The following RANBP3 variants were observed in gnomAD, a reference collection of about 807,000 sequenced individuals.
RANBP3 encodes RAN binding protein 3, also known as ran-binding protein 3.
Under a neutral mutation model 77.3 loss-of-function variants are expected in RANBP3, and 14 were observed. The observed-to-expected ratio is 0.18, with a 90% CI of 0.12 to 0.28. RANBP3 has a LOEUF of 0.28. Ranked by LOEUF, RANBP3 falls within the 10% of genes least tolerant of loss-of-function variation. The probability of loss-of-function intolerance (pLI) is 1.00; values close to 1 mark genes in which losing one functional copy is unlikely to be tolerated. For synonymous variants in RANBP3, 315 were observed against 312.4 expected, an observed-to-expected ratio of 1.01 and a Z score of -0.09; for missense variants, 586 against 752.3, an observed-to-expected ratio of 0.78 and a Z score of 2.59.
At chr19:5,927,621 C>T (rs2057929886) in intron 9 of RANBP3, among the ~76,000 whole-genome samples, 1 of 152,220 alleles carries the variant, frequency 6.6e-6, no homozygotes, top group South Asian at 2.1e-4. Context: ...AACCTCTGGG[C>T]AGAGCTGAGA....
At chr19:5,922,711 G>A (rs1305940460) in intron 13 of RANBP3, among the ~76,000 whole-genome samples, 2 of 152,166 alleles carry the variant, frequency 1.3e-5, no homozygotes, top group East Asian at 1.9e-4. Flanking sequence ...AGGCCGAGGC[G>A]GGTGGATCAC....
At chr19:5,951,292 C>A in intron 3 of RANBP3, 101 bp downstream of exon 3, 1 of 1,105,142 alleles carries the variant, frequency 9.0e-7, no homozygotes, top group South Asian at 1.3e-5. Flanking sequence ...TAGCTGCTTA[C>A]AATTAGCTAG....
At chr19:5,948,902 A>C (rs2058241280) in intron 3 of RANBP3, among the ~76,000 whole-genome samples, 1 of 152,158 alleles carries the variant, frequency 6.6e-6, no homozygotes, top group Admixed American at 6.5e-5. Context: ...TCTCCACATC[A>C]AACAGAGAAC....
intron 10 of RANBP3, chr19:5,925,221 C>T: frequency 2.1e-6 from 1 of 487,202 alleles, no homozygotes; most frequent in South Asian, 2.1e-5. Context: ...CCGTGGGTAG[C>T]ATTACCCCCA....
intron 5 of RANBP3, among the ~76,000 whole-genome samples, chr19:5,937,233 A>G (rs2058079141): frequency 6.6e-6 from 1 of 152,072 alleles, no homozygotes; most frequent in Admixed American, 6.6e-5. Context: ...ACAAAGGGGA[A>G]AGTAGCTTTA....
At chr19:5,953,477 A>G (rs1222300822) in intron 2 of RANBP3, among the ~76,000 whole-genome samples, 1 of 152,224 alleles carries the variant, frequency 6.6e-6, no homozygotes, top group Non-Finnish European at 1.5e-5. Flanking sequence ...TTTCAGTGAT[A>G]CTGTACTTTC....
chr19:5,956,698 A>G (rs1345653488), intron 2 of RANBP3, among the ~76,000 whole-genome samples: 1 of 152,142 alleles, frequency 6.6e-6, no homozygotes, highest in African/African-American at 2.4e-5. Flanking sequence ...CGATCCCCAC[A>G]GAGCACTTCA....
intron 2 of RANBP3, among the ~76,000 whole-genome samples, chr19:5,955,517 A>G (rs1228567234): frequency 6.6e-6 from 1 of 152,256 alleles, no homozygotes; most frequent in Admixed American, 6.5e-5. Context: ...CCTGCAAATC[A>G]CAAAGCAACA....
chr19:5,947,470 A>G (rs2058221142), intron 3 of RANBP3, among the ~76,000 whole-genome samples: 1 of 151,858 alleles, frequency 6.6e-6, no homozygotes, highest in African/African-American at 2.4e-5. Flanking sequence ...CCCAAACTAG[A>G]CTCTACTGCT....
chr19:5,971,512 T>C (rs889959020), intron 1 of RANBP3, among the ~76,000 whole-genome samples: 1 of 152,122 alleles, frequency 6.6e-6, no homozygotes, highest in African/African-American at 2.4e-5. Flanking sequence ...ATATCACACA[T>C]CCAATAACCT....
intron 2 of RANBP3, among the ~76,000 whole-genome samples, chr19:5,953,669 A>G (rs538990954): frequency 6.6e-6 from 1 of 152,342 alleles, no homozygotes; most frequent in South Asian, 2.1e-4. Flanking sequence ...TTCTCTTCAC[A>G]TTAAAAAGAA....
intron 1 of RANBP3, among the ~76,000 whole-genome samples, chr19:5,974,087 C>T (rs1427358088): frequency 6.6e-6 from 1 of 152,110 alleles, no homozygotes; most frequent in African/African-American, 2.4e-5. Context: ...ATGACGACCC[C>T]GCGAGTGAGG....
chr19:5,962,710 A>G (rs1170095392), intron 1 of RANBP3: 7 of 455,910 alleles, frequency 1.5e-5, no homozygotes, highest in African/African-American at 1.4e-4. Flanking sequence ...TCACATCTGC[A>G]CCCAAAACAC....
intron 3 of RANBP3, among the ~76,000 whole-genome samples, chr19:5,949,659 G>A (rs1045720928): frequency 2.6e-5 from 4 of 152,196 alleles, no homozygotes; most frequent in Non-Finnish European, 4.4e-5. Flanking sequence ...CTGCCATACA[G>A]CTTCACCTTC....
chr19:5,926,690 G>T lies in RANBP3; in HGVS notation c.814-953C>A, dbSNP rs1235285789. 2.0e-5 allele frequency among the ~76,000 whole-genome samples: 3 copies of T among 152,114 alleles called. 1 individual carries two copies. Among genetic ancestry groups the T allele is most frequent in the African/African-American group, 7.2e-5 (3 of 41,432 alleles). On this transcript the variant is annotated intron_variant, in intron 9 of 16. Transcript: ENST00000340578. The stretch of plus-strand genomic sequence containing the variant: ...CAAATTCAAAGCAGCTGTCTCCCCA[G>T]ACTCAAGGCAGAGATTCCACAGGGC...
intron 5 of RANBP3, among the ~76,000 whole-genome samples, chr19:5,938,375 G>C (rs1253062574): frequency 2.0e-5 from 3 of 152,186 alleles, no homozygotes; most frequent in African/African-American, 7.2e-5. Context: ...TTCAGAAAGG[G>C]GGAGCGGCTT....
chr19:5,932,616 C>T, intron 6 of RANBP3, 72 bp from the exon 7 acceptor site: 1 of 1,216,984 alleles, frequency 8.2e-7, no homozygotes, highest in Non-Finnish European at 1.2e-6. Context: ...GAGACTGACC[C>T]CTGGCATCCC....
rs538377983 is a variant in RANBP3 at position 5,947,953 on chromosome 19, A to G, written c.282+3440T>C. 3.6e-4 allele frequency among the ~76,000 whole-genome samples: 55 copies of G among 152,326 alleles called. 1 individual carries two copies. Among genetic ancestry groups the G allele is most frequent in the African/African-American group, 1.3e-3 (53 of 41,578 alleles). ...AGTGAAAATCATGGTTGTCACATTT[A>G]TTAAGAATTGCCCTGTCCAAAAAAC... is the stretch of plus-strand genomic sequence containing the variant. On this transcript the variant is annotated intron_variant, in intron 3 of 16. Coordinates refer to ENST00000340578, the MANE Select transcript of RANBP3 (RefSeq NM_007322.3).
intron 8 of RANBP3, chr19:5,928,357 T>C (rs553299476): frequency 3.6e-6 from 1 of 280,730 alleles, no homozygotes; most frequent in Admixed American, 5.3e-5. Context: ...GCAGAAGCCT[T>C]AGTGCCGGCA....
Sources: gnomAD v4.1 joint callset for allele counts (sites outside exome capture counted in the v4.1 genomes callset) on GRCh38, gnomAD v4.1.1 for gene constraint, MANE v1.5 for transcripts, NCBI Gene and HGNC (gene_info 2026-07-23, HGNC 2026-07-21) for gene names.